The following EPB41L5 variants were observed in gnomAD, a reference collection of about 807,000 sequenced individuals.
EPB41L5 encodes erythrocyte membrane protein band 4.1 like 5.
Under a neutral mutation model 106.6 loss-of-function variants are expected in EPB41L5, and 55 were observed. That is an observed-to-expected ratio of 0.52 (90% CI 0.42 to 0.65). The LOEUF is 0.65. Among genes scored for constraint, EPB41L5 ranks in the 30% least tolerant of loss-of-function variants. EPB41L5 has a pLI of 0.00. For missense variants in EPB41L5, 871 were observed against 882.1 expected (o/e 0.99, Z 0.16); for synonymous variants, 297 against 306.7 (o/e 0.97, Z 0.33).
chr2:120,083,675 C>T (rs1453820748), intron 10 of EPB41L5, among the ~76,000 whole-genome samples: 4 of 151,172 alleles, frequency 2.6e-5, no homozygotes, highest in African/African-American at 7.3e-5. Flanking sequence ...CTTTCTGTCT[C>T]GATCTGTCTA....
chr2:120,027,931 C>T (rs971040667), intron 2 of EPB41L5, among the ~76,000 whole-genome samples: 10 of 151,838 alleles, frequency 6.6e-5, no homozygotes, highest in Non-Finnish European at 1.5e-4. Context: ...GGTGCGATCT[C>T]GGCTCACTGC....
chr2:120,133,348 G>T (rs1279465012), intron 18 of EPB41L5, among the ~76,000 whole-genome samples: 1 of 152,078 alleles, frequency 6.6e-6, no homozygotes, highest in Non-Finnish European at 1.5e-5. Context: ...AAGGAAGGAG[G>T]CACTGAAGAG....
chr2:120,164,934 G>A (rs1318137100), intron 22 of EPB41L5, 24 bp downstream of exon 22: 2 of 1,526,536 alleles, frequency 1.3e-6, no homozygotes, highest in Non-Finnish European at 1.8e-6. Flanking sequence ...AAAATAGTAT[G>A]ATGGAAAGAA....
At position 120,164,843 on chromosome 2, in the gene EPB41L5, C is replaced by A. The variant is rs201346819; in HGVS notation, c.1895C>A (p.Thr632Lys). ...ADSGSVLKEA[T>K]DELDALLASL... ...GATTCCTGTCTTCCATAGGAAGCTA[C>A]AGATGAATTGGATGCCTTGCTTGCA... Residue 632 changes from threonine to lysine, a missense_variant, in exon 22 of 25, where the codon ACA becomes AAA. Physicochemically the swap from Thr to Lys is moderately conservative, Grantham distance 78. Coordinates refer to ENST00000263713, the MANE Select transcript of EPB41L5 (RefSeq NM_020909.4). 6 of 1,610,830 alleles carry A rather than the reference C, an allele frequency of 3.7e-6. No homozygotes were observed. The highest frequency in any genetic ancestry group is 1.7e-5 in the Admixed American group (1 of 59,464).
At chr2:120,138,814 A>C (rs558274266) in intron 18 of EPB41L5, among the ~76,000 whole-genome samples, 1 of 151,904 alleles carries the variant, frequency 6.6e-6, no homozygotes. Flanking sequence ...ATATTCTTCA[A>C]AGAAATAGAA....
intron 16 of EPB41L5, among the ~76,000 whole-genome samples, chr2:120,115,467 C>T (rs1478880345): frequency 2.6e-5 from 4 of 152,174 alleles, no homozygotes; most frequent in African/African-American, 7.2e-5. Flanking sequence ...TGCAGTGGCA[C>T]GATCTCGGCT....
intron 16 of EPB41L5, chr2:120,106,198 A>G: frequency 1.0e-6 from 1 of 985,370 alleles, no homozygotes; most frequent in Non-Finnish European, 1.2e-6. Flanking sequence ...TTGATTTGCG[A>G]ATTCCTGATG....
At chr2:120,115,439 C>CT (rs1684902568) in intron 16 of EPB41L5, among the ~76,000 whole-genome samples, 1 of 152,246 alleles carries the variant, frequency 6.6e-6, no homozygotes, top group African/African-American at 2.4e-5. Context: ...GAGTCTCACT[C>CT]TGTCACCCAG....
At chr2:120,096,164 A>C (rs1683741667) in intron 14 of EPB41L5, among the ~76,000 whole-genome samples, 1 of 152,076 alleles carries the variant, frequency 6.6e-6, no homozygotes, top group African/African-American at 2.4e-5. Context: ...GACTTTTTTC[A>C]AAAGAAGTTG....
intron 17 of EPB41L5, among the ~76,000 whole-genome samples, chr2:120,129,347 G>A (rs555337101): frequency 9.8e-4 from 146 of 149,550 alleles, no homozygotes; most frequent in African/African-American, 3.5e-3. Flanking sequence ...AAAAAAAAAA[G>A]AAAGAAAGAA....
chr2:120,039,099 T>C (rs1679228064), intron 2 of EPB41L5, among the ~76,000 whole-genome samples: 1 of 152,050 alleles, frequency 6.6e-6, no homozygotes, highest in African/African-American at 2.4e-5. Context: ...ATTCTACTTA[T>C]GTGAGATACA....
intron 3 of EPB41L5, among the ~76,000 whole-genome samples, chr2:120,068,770 C>G (rs1681640135): frequency 6.6e-6 from 1 of 151,866 alleles, no homozygotes; most frequent in Non-Finnish European, 1.5e-5. Flanking sequence ...CGGACAAAGA[C>G]ACACGCAGGC....
intron 1 of EPB41L5, among the ~76,000 whole-genome samples, chr2:120,016,628 A>G (rs1007178342): frequency 5.9e-5 from 9 of 152,002 alleles, no homozygotes; most frequent in African/African-American, 2.2e-4. Context: ...CATCTTTTAA[A>G]TTATCTTTTA....
intron 20 of EPB41L5, among the ~76,000 whole-genome samples, chr2:120,156,545 C>G (rs1427437242): frequency 6.6e-6 from 1 of 152,184 alleles, no homozygotes; most frequent in African/African-American, 2.4e-5. Flanking sequence ...TCTCCCGTGT[C>G]CCATCAACTG....
At chr2:120,133,908 A>G (rs541383221) in intron 18 of EPB41L5, among the ~76,000 whole-genome samples, 1 of 152,232 alleles carries the variant, frequency 6.6e-6, no homozygotes, top group East Asian at 1.9e-4. Flanking sequence ...TAGCTTGGAT[A>G]CCAGTGTAGC....
Position 120,131,628 on chromosome 2 carries a change from C to T in EPB41L5, c.1512C>T (p.Asp504=). The change falls in exon 18 of 25, where the codon GAC becomes GAT. Residue 504 remains aspartate, a synonymous_variant. Transcript: ENST00000263713. ...EPEVEYETLK[D]TSEKLKQLEM... Reference sequence around the variant, plus strand: ...TTTTTTTCTTTTCAGCATTAAAAGACACCTCAGAGAAGCTCAAACAGCTTG... The same window carrying T: ...TTTTTTTCTTTTCAGCATTAAAAGATACCTCAGAGAAGCTCAAACAGCTTG... 1 of 1,611,436 alleles carries T rather than the reference C, an allele frequency of 6.2e-7. No individual in the cohort carries two copies. The highest frequency in any genetic ancestry group is 8.5e-7 in the Non-Finnish European group (1 of 1,178,570).
At chr2:120,081,312 C>T (rs1302391274) in intron 10 of EPB41L5, among the ~76,000 whole-genome samples, 2 of 152,278 alleles carry the variant, frequency 1.3e-5, no homozygotes, top group Admixed American at 6.5e-5. Flanking sequence ...GATCCAGTTT[C>T]AGCTTTCTAC....
At chr2:120,150,800 C>T (rs1208237628) in intron 20 of EPB41L5, among the ~76,000 whole-genome samples, 4 of 151,894 alleles carry the variant, frequency 2.6e-5, no homozygotes, top group Non-Finnish European at 5.9e-5. Context: ...AATATTTTTT[C>T]CCATTCTGTG....
chr2:120,050,705 C>G (rs1363615361), intron 3 of EPB41L5, among the ~76,000 whole-genome samples: 1 of 152,240 alleles, frequency 6.6e-6, no homozygotes, highest in Non-Finnish European at 1.5e-5. Flanking sequence ...TGGCGAGGAG[C>G]TGCGTTCCTT....
Sources: gnomAD v4.1 joint callset for allele counts (sites outside exome capture counted in the v4.1 genomes callset) on GRCh38, gnomAD v4.1.1 for gene constraint, MANE v1.5 for transcripts, NCBI Gene and HGNC (gene_info 2026-07-23, HGNC 2026-07-21) for gene names.